The following PDE11A variants were observed in gnomAD, a reference collection of about 807,000 sequenced individuals.
PDE11A encodes the protein dual 3',5'-cyclic-AMP and -GMP phosphodiesterase 11A.
PDE11A carries 100 observed loss-of-function variants against 100.5 expected under a neutral mutation model. The observed-to-expected ratio is 1.00, with a 90% CI of 0.85 to 1.18. PDE11A has a LOEUF of 1.18. Ranked by LOEUF, PDE11A falls within the 50% of genes most tolerant of loss-of-function variation. PDE11A has a pLI of 0.00. For synonymous variants in PDE11A, 381 were observed against 420.8 expected, an observed-to-expected ratio of 0.91 and a Z score of 1.16; for missense variants, 1,141 against 1,152.6, an observed-to-expected ratio of 0.99 and a Z score of 0.15.
chr2:177,963,872 G>T (rs1241835831), intron 2 of PDE11A, among the ~76,000 whole-genome samples: 1 of 152,092 alleles, frequency 6.6e-6, no homozygotes, highest in East Asian at 1.9e-4. Flanking sequence ...TTCAGACTGG[G>T]TTAGGTACAG....
At chr2:177,842,099 T>C (rs1453686176) in intron 5 of PDE11A, among the ~76,000 whole-genome samples, 1 of 152,248 alleles carries the variant, frequency 6.6e-6, no homozygotes, top group Admixed American at 6.5e-5. Context: ...CAGGGATTAA[T>C]TGGCTTGCCA....
Position 178,016,131 on chromosome 2 carries a change from A to ATTTTTTT in PDE11A, c.913-1678_913-1672dup, listed in dbSNP as rs55638601. Among the ~76,000 whole-genome samples, 404 of 83,726 alleles carry ATTTTTTT rather than the reference A, an allele frequency of 4.8e-3. 17 individuals carry two copies. Among genetic ancestry groups the ATTTTTTT allele is most frequent in the African/African-American group, 0.018 (370 of 20,310 alleles). The allele number at this position is 83,726 out of a possible 152,430, so 54.9% of individuals were successfully genotyped here. ...AGATGCAAGCCATCATGCCTGGCTA[A>ATTTTTTT]TTTTTTTTTTTTTTTTTTTTTTTTG... On this transcript the variant is annotated intron_variant, in intron 1 of 19. Transcript: ENST00000286063.
chr2:177,849,863 C>T (rs1310365976), intron 5 of PDE11A, among the ~76,000 whole-genome samples: 1 of 151,336 alleles, frequency 6.6e-6, no homozygotes, highest in Non-Finnish European at 1.5e-5. Flanking sequence ...GAACTAAAAC[C>T]ACTGCTCAAT....
intron 10 of PDE11A, among the ~76,000 whole-genome samples, chr2:177,754,832 C>T (rs940054633): frequency 2.6e-5 from 4 of 152,208 alleles, no homozygotes; most frequent in African/African-American, 4.8e-5. Flanking sequence ...AATCTGCCAA[C>T]GAGCCTCTAG....
At chr2:177,697,210 A>C (rs1323064339) in intron 15 of PDE11A, 122 bp downstream of exon 15, 2 of 691,118 alleles carry the variant, frequency 2.9e-6, no homozygotes, top group Non-Finnish European at 2.7e-6. Flanking sequence ...CAACAAAAAA[A>C]GTTTAGCTGG....
At chr2:177,716,904 T>C (rs73028328) in intron 12 of PDE11A, among the ~76,000 whole-genome samples, 1,790 of 152,292 alleles carry the variant, frequency 0.012, 24 homozygotes, top group East Asian at 0.043. Context: ...TTATCACCCA[T>C]TTTATAATAA....
At chr2:177,765,573 C>T (rs1289230561) in intron 10 of PDE11A, among the ~76,000 whole-genome samples, 2 of 152,308 alleles carry the variant, frequency 1.3e-5, no homozygotes, top group East Asian at 3.9e-4. Context: ...GCCACGGGTC[C>T]GTAGTGATGC....
chr2:177,972,941 G>T (rs2085790776), intron 2 of PDE11A, among the ~76,000 whole-genome samples: 1 of 152,212 alleles, frequency 6.6e-6, no homozygotes, highest in African/African-American at 2.4e-5. Context: ...TCTGATGAGA[G>T]ATGGGGAAAG....
chr2:178,078,904 C>T (rs890543882), intron 2 of PDE11A, among the ~76,000 whole-genome samples: 1 of 152,070 alleles, frequency 6.6e-6, no homozygotes, highest in African/African-American at 2.4e-5. Context: ...GGAACATGTA[C>T]AGTATAGCTA....
intron 15 of PDE11A, among the ~76,000 whole-genome samples, chr2:177,695,846 C>G (rs1353585875): frequency 6.6e-6 from 1 of 152,170 alleles, no homozygotes; most frequent in Non-Finnish European, 1.5e-5. Flanking sequence ...CTAACTGATG[C>G]AATGCCACAG....
intron 15 of PDE11A, among the ~76,000 whole-genome samples, chr2:177,681,519 A>T (rs768159971): frequency 3.9e-5 from 6 of 152,182 alleles, no homozygotes; most frequent in Non-Finnish European, 5.9e-5. Context: ...CGGGGGTTTC[A>T]GTTGCTAACT....
chr2:177,665,648 G>T (rs2080564407), intron 18 of PDE11A, among the ~76,000 whole-genome samples: 1 of 151,788 alleles, frequency 6.6e-6, no homozygotes, highest in Admixed American at 6.6e-5. Flanking sequence ...TTGAGATCAG[G>T]AGTTTGAGAC....
At chr2:178,104,173 A>C in intron 2 of PDE11A, 2 of 830,392 alleles carry the variant, frequency 2.4e-6, no homozygotes, top group Non-Finnish European at 4.1e-6. Context: ...ATAAATCCAT[A>C]TTTCAGTAAT....
intron 9 of PDE11A, among the ~76,000 whole-genome samples, chr2:177,786,597 A>G (rs1265866649): frequency 3.3e-5 from 5 of 150,730 alleles, no homozygotes; most frequent in African/African-American, 4.9e-5. Context: ...TCTGAGCTAC[A>G]GGAGGAAATT....
chr2:177,631,496 AAAAAAAAAAAAAAAAAATATATATAT>A (rs2079926451), intron 19 of PDE11A, among the ~76,000 whole-genome samples: 1 of 26,770 alleles, frequency 3.7e-5, no homozygotes, highest in Non-Finnish European at 7.2e-5. Flanking sequence ...AAAAAAAAAA[AAAAAAAAAAAAAAAAAATATATATAT>A]ATATATATAT....
intron 9 of PDE11A, among the ~76,000 whole-genome samples, chr2:177,772,229 T>C (rs1013525734): frequency 6.6e-6 from 1 of 152,094 alleles, no homozygotes; most frequent in African/African-American, 2.4e-5. Context: ...TCTATGAGGT[T>C]TGGTTATTAA....
intron 19 of PDE11A, among the ~76,000 whole-genome samples, chr2:177,638,685 G>T (rs1364831430): frequency 6.6e-6 from 1 of 152,196 alleles, no homozygotes; most frequent in African/African-American, 2.4e-5. Context: ...TTTGAGGCTT[G>T]CTTTTCAGCT....
chr2:177,930,874 G>C (rs1219047897), intron 2 of PDE11A, among the ~76,000 whole-genome samples: 1 of 152,210 alleles, frequency 6.6e-6, no homozygotes, highest in Non-Finnish European at 1.5e-5. Context: ...GAGGATGGTA[G>C]AATGCTTAGC....
chr2:177,718,246 A>G (rs2081472855), intron 12 of PDE11A, among the ~76,000 whole-genome samples: 1 of 152,208 alleles, frequency 6.6e-6, no homozygotes. Flanking sequence ...CATTTTGTAG[A>G]TGAAAACATT....
Sources: allele counts gnomAD v4.1 joint callset (sites outside exome capture counted in the v4.1 genomes callset), GRCh38; gene constraint gnomAD v4.1.1; transcripts MANE v1.5; gene names NCBI Gene and HGNC (gene_info 2026-07-23, HGNC 2026-07-21).